Variants in CAMK1G observed in about 807,000 individuals in gnomAD.
CAMK1G encodes calcium/calmodulin dependent protein kinase IG.
CAMK1G carries 27 observed loss-of-function variants against 54.8 expected under a neutral mutation model. The ratio of observed to expected loss-of-function variants is 0.49; its 90% CI spans 0.36 to 0.68. CAMK1G has a LOEUF of 0.68. CAMK1G is among the 30% of genes least tolerant of loss of function. The probability of loss-of-function intolerance (pLI) is 0.00; values close to 1 mark genes in which losing one functional copy is unlikely to be tolerated. For synonymous variants in CAMK1G, 238 were observed against 224.9 expected (o/e 1.06, Z -0.52); for missense variants, 512 against 591.0 (o/e 0.87, Z 1.39).
chr1:209,588,695 G>C (rs1394292112), intron 1 of CAMK1G, among the ~76,000 whole-genome samples: 1 of 152,192 alleles, frequency 6.6e-6, no homozygotes, highest in Non-Finnish European at 1.5e-5. Context: ...GGCCACTGCA[G>C]ACAAAGCTTA....
intron 3 of CAMK1G, among the ~76,000 whole-genome samples, chr1:209,601,957 T>A (rs1414759216): frequency 6.6e-6 from 1 of 152,212 alleles, no homozygotes; most frequent in Non-Finnish European, 1.5e-5. Context: ...CCTGACTGAC[T>A]CTGAGCCTAA....
In CAMK1G at chr1:209,606,419, G is replaced by T. The variant is rs1409479540; in HGVS notation, c.535G>T (p.Ala179Ser). 1 of 1,614,074 alleles carries T rather than the reference G, an allele frequency of 6.2e-7. No individual in the cohort carries two copies. The highest frequency in any genetic ancestry group is 8.5e-7 in the Non-Finnish European group (1 of 1,179,932). ...KMEQNGIMST[A>S]CGTPGYVAPE... is the part of the protein sequence containing the mutation. ...GGAACAGAATGGCATCATGTCCACT[G>T]CCTGTGGGACCCCAGGCTACGTGGG... The change falls in exon 6 of 13, where the codon GCC (alanine) becomes TCC (serine). Residue 179 changes from alanine (A) to serine (S), a missense_variant. By Grantham distance (99) the Ala-to-Ser change is moderately conservative (BLOSUM62 1). Around this residue, in one of 3 missense-constraint regions of CAMK1G, gnomAD observed 186 missense variants for 231.5 expected, o/e 0.80. Transcript: ENST00000361322.
At chr1:209,595,702 A>T (rs902372116) in intron 2 of CAMK1G, among the ~76,000 whole-genome samples, 1 of 152,152 alleles carries the variant, frequency 6.6e-6, no homozygotes, top group Non-Finnish European at 1.5e-5. Context: ...AGGCCCAGGG[A>T]GCTCGTGGGT....
chr1:209,583,845 G>C (rs976648274), intron 1 of CAMK1G, 73 bp downstream of exon 1: 1 of 152,172 alleles, frequency 6.6e-6, no homozygotes, highest in African/African-American at 2.4e-5. Context: ...AGCACCTAGT[G>C]AGTGGATTTG....
intron 8 of CAMK1G, among the ~76,000 whole-genome samples, chr1:209,609,448 A>G (rs1176160228): frequency 1.3e-5 from 2 of 152,218 alleles, no homozygotes; most frequent in African/African-American, 4.8e-5. Context: ...TGCAATGTCT[A>G]TGTGTGAGAG....
intron 2 of CAMK1G, among the ~76,000 whole-genome samples, chr1:209,596,633 A>G (rs1665389734): frequency 6.6e-6 from 1 of 151,600 alleles, no homozygotes; most frequent in Non-Finnish European, 1.5e-5. Flanking sequence ...ATTTCACTGT[A>G]GAGTATGTAT....
At chr1:209,602,971 T>G (rs902233271) in intron 3 of CAMK1G, among the ~76,000 whole-genome samples, 1 of 152,238 alleles carries the variant, frequency 6.6e-6, no homozygotes, top group African/African-American at 2.4e-5. Flanking sequence ...AAGGAAGTGT[T>G]TGTTTCCTGA....
chr1:209,598,381 G>C (rs1270059239), intron 2 of CAMK1G, among the ~76,000 whole-genome samples: 2 of 152,192 alleles, frequency 1.3e-5, no homozygotes, highest in East Asian at 3.8e-4. Context: ...TGTTCTCACT[G>C]TATCTGCACT....
chr1:209,612,738 T>G lies in CAMK1G; in HGVS notation c.1341-47T>G, dbSNP rs776718782. Reference sequence around the variant, plus strand: ...CACCTCTGCCCTGCCCCATCGACTCTTCTTCCCTCAAATACTTCAAAGGTT... The same window carrying G: ...CACCTCTGCCCTGCCCCATCGACTCGTCTTCCCTCAAATACTTCAAAGGTT... On this transcript the variant is annotated intron_variant, in intron 11 of 12. Transcript: ENST00000361322. 5 of 1,543,400 alleles carry G rather than the reference T, an allele frequency of 3.2e-6. No individual in the cohort carries two copies. In the South Asian group the frequency reaches 5.6e-5, roughly 17 times the overall value.
In CAMK1G at chr1:209,612,208, C is replaced by CA; in HGVS notation, c.1338dup (p.Gln447ThrfsTer12). The CA allele has an allele frequency of 1.2e-6, 2 of 1,612,184 alleles. No individual in the cohort carries two copies. Among genetic ancestry groups the CA allele is most frequent in the South Asian group, 1.1e-5 (1 of 90,940 alleles). Reference sequence around the variant, plus strand: ...AGCCCACACTCCTCAAAAAGGCCAACAAAAAACAGTACGTATTTTTAGCCA... The same window carrying CA: ...AGCCCACACTCCTCAAAAAGGCCAACAAAAAAACAGTACGTATTTTTAGCCA... On this transcript the variant is annotated frameshift_variant, in exon 11 of 13. Transcript: ENST00000361322. LOFTEE classifies it high-confidence loss of function.
Position 209,613,255 on chromosome 1 carries a change from C to G in CAMK1G, c.*253C>G, listed in dbSNP as rs2102398844. On this transcript the variant is annotated 3_prime_UTR_variant, in exon 13 of 13. Transcript: ENST00000361322. ...GAGCAGGAGAAGCGGTGCCCACCAG[C>G]TTCCAGGTCTCCCTGACCTGCCTGC... is the stretch of plus-strand genomic sequence containing the variant. The G allele has an allele frequency of 4.3e-6, 1 of 234,726 alleles. No homozygotes were observed. Among genetic ancestry groups the G allele is most frequent in the African/African-American group, 2.2e-5 (1 of 45,418 alleles). The allele number at this position is 234,726 out of a possible 1,614,324, so 14.5% of individuals were successfully genotyped here.
intron 1 of CAMK1G, among the ~76,000 whole-genome samples, chr1:209,590,165 C>G (rs1015717161): frequency 6.6e-6 from 1 of 152,148 alleles, no homozygotes. Context: ...GCTTCAAGCT[C>G]CTTAGAATTT....
At chr1:209,603,915 C>T (rs1425564521) in intron 4 of CAMK1G, among the ~76,000 whole-genome samples, 6 of 152,184 alleles carry the variant, frequency 3.9e-5, no homozygotes, top group East Asian at 3.9e-4. Context: ...AAGGTCTCTG[C>T]GTCATTGCTG....
chr1:209,596,311 C>T (rs900995567), intron 2 of CAMK1G, among the ~76,000 whole-genome samples: 1 of 152,152 alleles, frequency 6.6e-6, no homozygotes, highest in African/African-American at 2.4e-5. Context: ...AGAGACAAGC[C>T]TCATGAGTAA....
At chr1:209,608,077 A>G in intron 7 of CAMK1G, 144 bp downstream of exon 7, 1 of 302,514 alleles carries the variant, frequency 3.3e-6, no homozygotes, top group Admixed American at 9.5e-5. Flanking sequence ...ACGGGTACAC[A>G]CACACACACA....
intron 1 of CAMK1G, among the ~76,000 whole-genome samples, chr1:209,585,143 G>A (rs1010938966): frequency 6.6e-6 from 1 of 152,222 alleles, no homozygotes; most frequent in African/African-American, 2.4e-5. Flanking sequence ...GTGTGTGTGT[G>A]TGGATGCTTA....
At chr1:209,585,896 G>T (rs946893465) in intron 1 of CAMK1G, among the ~76,000 whole-genome samples, 1 of 152,268 alleles carries the variant, frequency 6.6e-6, no homozygotes, top group Non-Finnish European at 1.5e-5. Flanking sequence ...CGTGCCTGGC[G>T]CTACAACTGC....
At position 209,587,261 on chromosome 1, in the gene CAMK1G, A is replaced by G. The variant is rs1025062981; in HGVS notation, c.-30+3489A>G. 3.3e-5 allele frequency among the ~76,000 whole-genome samples: 5 copies of G among 152,152 alleles called. No homozygotes were observed. In the East Asian group the frequency reaches 9.7e-4, roughly 29 times the overall value. ...CACCTATGACACCACAAGGAGGGTG[A>G]AACTGTGACTGATGGCAGAGGGCTG... is the stretch of plus-strand genomic sequence containing the variant. On this transcript the variant is annotated intron_variant, in intron 1 of 12. Coordinates refer to ENST00000361322, the MANE Select transcript of CAMK1G (RefSeq NM_020439.3).
At chr1:209,593,433 C>T (rs1231544824) in intron 1 of CAMK1G, among the ~76,000 whole-genome samples, 1 of 152,178 alleles carries the variant, frequency 6.6e-6, no homozygotes, top group Non-Finnish European at 1.5e-5. Context: ...TCACTCATCA[C>T]TCCTGGACAC....
Sources: allele counts gnomAD v4.1 joint callset (sites outside exome capture counted in the v4.1 genomes callset), GRCh38; gene constraint gnomAD v4.1.1; regional missense constraint gnomAD v4.1.1; transcripts MANE v1.5; gene names NCBI Gene and HGNC (gene_info 2026-07-23, HGNC 2026-07-21).